SALL2: variants seen among roughly 807,000 people sequenced by gnomAD.
SALL2 encodes the protein sal-like protein 2.
A neutral mutation model predicts 58.5 loss-of-function variants in SALL2; 32 were observed. That is an observed-to-expected ratio of 0.55 (90% CI 0.41 to 0.74). The LOEUF (loss-of-function observed/expected upper bound fraction) is 0.74. Ranked by LOEUF, SALL2 falls within the 30% of genes least tolerant of loss-of-function variation. The probability of loss-of-function intolerance (pLI) is 0.00; values close to 1 mark genes in which losing one functional copy is unlikely to be tolerated. For missense variants in SALL2, 1,201 were observed against 1,268.9 expected (o/e 0.95, Z 0.81); for synonymous variants, 516 against 513.6 (o/e 1.00, Z -0.06).
At chr14:21,531,639 C>G (rs1892463030) in intron 1 of SALL2, among the ~76,000 whole-genome samples, 1 of 151,588 alleles carries the variant, frequency 6.6e-6, no homozygotes, top group South Asian at 2.1e-4. Context: ...AACTCCCAGC[C>G]TCAGGTGATC....
At chr14:21,533,136 AAAGGTCACATGTGCCC>A (rs1168635184) in intron 1 of SALL2, among the ~76,000 whole-genome samples, 2 of 152,182 alleles carry the variant, frequency 1.3e-5, no homozygotes, top group African/African-American at 2.4e-5. Flanking sequence ...CTGGGGTAAG[AAAGGTCACATGTGCCC>A]AAGGTCACAT....
chr14:21,522,950 C>T lies in SALL2; in HGVS notation c.2772G>A (p.Leu924=). Residue 924 remains leucine, a synonymous_variant, in exon 2 of 2, where the codon CTG becomes CTA. Transcript: ENST00000537235. ...TGGGGTGGGTCTTCTGATGCTCCTC[C>T]AGAGCTGCCTGGGAGGGAAAGGCCT... ...CGQAFPSQAA[L]EEHQKTHPKE... 1 of 1,614,088 alleles carries T rather than the reference C, an allele frequency of 6.2e-7. No individual in the cohort carries two copies. Among genetic ancestry groups the T allele is most frequent in the Non-Finnish European group, 8.5e-7 (1 of 1,180,008 alleles).
chr14:21,534,056 T>C (rs771780664), intron 1 of SALL2, among the ~76,000 whole-genome samples: 2 of 152,186 alleles, frequency 1.3e-5, no homozygotes, highest in Admixed American at 6.5e-5. Context: ...ACCCTGTCTA[T>C]AAAAAATTAG....
chr14:21,521,694 A>G lies in SALL2; in HGVS notation c.*1010T>C. 2 of 296,190 alleles carry G rather than the reference A, an allele frequency of 6.8e-6. No homozygotes were observed. Among genetic ancestry groups the G allele is most frequent in the Non-Finnish European group, 1.3e-5 (2 of 155,722 alleles). The allele number at this position is 296,190 out of a possible 1,614,324, so 18.3% of individuals were successfully genotyped here. ...CTCTCTCATCATTAGTTCATCAACC[A>G]TGCTGACCAAAAATGCTCCTTAAAG... On this transcript the variant is annotated 3_prime_UTR_variant, in exon 2 of 2. Coordinates refer to ENST00000537235, the MANE Select transcript of SALL2 (RefSeq NM_001364564.1).
In SALL2 at chr14:21,521,863, G is replaced by T; in HGVS notation, c.*841C>A. 2.1e-6 allele frequency: 2 copies of T among 943,964 alleles called. No individual in the cohort carries two copies. Among genetic ancestry groups the T allele is most frequent in the Non-Finnish European group, 3.1e-6 (2 of 648,336 alleles). The allele number at this position is 943,964 out of a possible 1,614,324, so 58.5% of individuals were successfully genotyped here. On this transcript the variant is annotated 3_prime_UTR_variant, in exon 2 of 2. Transcript: ENST00000537235. ...CCAGCCAAAACCTTTACCTTAATGTGACCATCAGGGGATTTACTGGGAAAA... is the reference window on the plus strand; with the variant it reads ...CCAGCCAAAACCTTTACCTTAATGTTACCATCAGGGGATTTACTGGGAAAA...
intron 1 of SALL2, among the ~76,000 whole-genome samples, chr14:21,534,397 G>GCAA (rs1892539809): frequency 1.3e-5 from 2 of 152,046 alleles, no homozygotes; most frequent in Admixed American, 1.3e-4. Context: ...TAGCTCAAAG[G>GCAA]CAAATTTTCA....
rs777506458 is a variant in SALL2, at chr14:21,524,485, T to A, written c.1237A>T (p.Asn413Tyr). The A allele has an allele frequency of 6.2e-7, 1 of 1,614,236 alleles. No individual in the cohort carries two copies. Among genetic ancestry groups the A allele is most frequent in the Admixed American group, 1.7e-5 (1 of 60,026 alleles). ...TGCCGGTGGAAATGCACTTTGAGGT[T>A]GCCACGGGTGGTAAAACGGTTTCCA... is the stretch of plus-strand genomic sequence containing the variant. ...VCGNRFTTRG[N>Y]LKVHFHRHRE... The change falls in exon 2 of 2, where the codon AAC becomes TAC. Residue 413 changes from asparagine to tyrosine, a missense_variant. Around this residue, in one of 3 missense-constraint regions of SALL2, gnomAD observed 59 missense variants for 116.2 expected, o/e 0.51. Transcript: ENST00000537235.
chr14:21,532,025 C>T (rs557893273), intron 1 of SALL2, among the ~76,000 whole-genome samples: 3 of 152,104 alleles, frequency 2.0e-5, no homozygotes, highest in East Asian at 1.9e-4. Flanking sequence ...CTGCTGTGCC[C>T]GGCTGATTTC....
At position 21,525,013 on chromosome 14, in the gene SALL2, G is replaced by A. The variant is rs903406029; in HGVS notation, c.709C>T (p.Leu237=). Residue 237 remains leucine (L), a synonymous_variant, in exon 2 of 2, where the codon CTA becomes TTA. Coordinates refer to ENST00000537235, the MANE Select transcript of SALL2 (RefSeq NM_001364564.1). This position sits in a 1 kb window ranked among gnomAD's most constrained non-coding sequence, Gnocchi z 4.4. ...GGCTTGATGGGGCTGAAGAGGGGTA[G>A]TAGGGGCTTGGTGGAAGAGGCAGTC... ...TGTASSTKPL[L]PLFSPIKPVQ... The A allele has an allele frequency of 1.3e-5, 21 of 1,613,778 alleles. No homozygotes were observed. Among genetic ancestry groups the A allele is most frequent in the Non-Finnish European group, 1.8e-5 (21 of 1,179,896 alleles).
At chr14:21,526,764 G>T (rs1892328728), upstream of SALL2, among the ~76,000 whole-genome samples, 1 of 152,056 alleles carries the variant, frequency 6.6e-6, no homozygotes, top group Non-Finnish European at 1.5e-5. Context: ...AAGAAGAGGG[G>T]GAGATCAGAA....
At chr14:21,531,539 TG>T (rs1892460366) in intron 1 of SALL2, among the ~76,000 whole-genome samples, 1 of 152,060 alleles carries the variant, frequency 6.6e-6, no homozygotes, top group African/African-American at 2.4e-5. Flanking sequence ...CCCTAGTAGC[TG>T]GGATTACAGG....
At position 21,521,621 on chromosome 14, in the gene SALL2, T is replaced by C. The variant is rs1303005781; in HGVS notation, c.*1083A>G. ...TTTCCCTTACATCATGTCCCTTTCT[T>C]AGTCACATAGGTACCAGCAAGCCCT... On this transcript the variant is annotated 3_prime_UTR_variant, in exon 2 of 2. Transcript: ENST00000537235. 5.3e-6 allele frequency: 1 copy of C among 188,970 alleles called. No homozygotes were observed. 11.7% of individuals were successfully genotyped at this position (188,970 alleles called of 1,614,324 possible).
intron 1 of SALL2, among the ~76,000 whole-genome samples, chr14:21,535,203 G>A (rs190631383): frequency 3.3e-5 from 5 of 151,974 alleles, no homozygotes; most frequent in Admixed American, 2.0e-4. Flanking sequence ...AAATTAGCCC[G>A]GCGTGGTGGC....
rs1369641291 is a variant in SALL2 at position 21,521,272 on chromosome 14, A to G, written c.*1432T>C. Reference sequence around the variant, plus strand: ...CCAAATGATCCTATGTTAAGAGTAAATACTACAACTCATTACAAGACGGAG... The same window carrying G: ...CCAAATGATCCTATGTTAAGAGTAAGTACTACAACTCATTACAAGACGGAG... On this transcript the variant is annotated 3_prime_UTR_variant, in exon 2 of 2. Transcript: ENST00000537235. The G allele has an allele frequency of 6.6e-6, 1 of 152,198 alleles. No homozygotes were observed. The highest frequency in any genetic ancestry group is 1.5e-5 in the Non-Finnish European group (1 of 68,054). The allele number at this position is 152,198 out of a possible 1,614,324, so 9.4% of individuals were successfully genotyped here.
At chr14:21,528,912 A>G (rs368195441), upstream of SALL2, among the ~76,000 whole-genome samples, 8 of 152,206 alleles carry the variant, frequency 5.3e-5, no homozygotes, top group South Asian at 1.7e-3. Flanking sequence ...TTTGATATCC[A>G]GTTGCTGTTT....
At position 21,522,575 on chromosome 14, in the gene SALL2, C is replaced by T. The variant is rs1414447129; in HGVS notation, c.*129G>A. 7.1e-7 allele frequency: 1 copy of T among 1,416,884 alleles called. No homozygotes were observed. The highest frequency in any genetic ancestry group is 9.2e-7 in the Non-Finnish European group (1 of 1,087,918). The allele number at this position is 1,416,884 out of a possible 1,614,324, so 87.8% of individuals were successfully genotyped here. ...TCCAAGCTCAGGGACTACAGAAAAG[C>T]CACTAGGGACATAACATGTTAAGAA... On this transcript the variant is annotated 3_prime_UTR_variant, in exon 2 of 2. Coordinates refer to ENST00000537235, the MANE Select transcript of SALL2 (RefSeq NM_001364564.1).
Position 21,525,783 on chromosome 14 carries a change from C to T in SALL2, c.68-129G>A. 1 of 1,082,534 alleles carries T rather than the reference C, an allele frequency of 9.2e-7. No homozygotes were observed. The allele number at this position is 1,082,534 out of a possible 1,614,324, so 67.1% of individuals were successfully genotyped here. Reference sequence around the variant, plus strand: ...AGATGAGCTCACCATCAGGGCCATGCAGAAGTCTAGAGCTCAGGCCTGATC... The same window carrying T: ...AGATGAGCTCACCATCAGGGCCATGTAGAAGTCTAGAGCTCAGGCCTGATC... On this transcript the variant is annotated intron_variant, in intron 1 of 1. Transcript: ENST00000537235. This position sits in a 1 kb window ranked among gnomAD's most constrained non-coding sequence, Gnocchi z 4.4.
chr14:21,523,398 A>ACATCTTCCT lies in SALL2; in HGVS notation c.2315_2323dup (p.Glu772_Asp774dup). ...CCCTGCCAGGGAATCTTCATCAGTCACATCTTCCTCTTCTTCCTCATCCTC... is the reference window on the plus strand; with the variant it reads ...CCCTGCCAGGGAATCTTCATCAGTCACATCTTCCTCATCTTCCTCTTCTTCCTCATCCTC... On this transcript the variant is annotated inframe_insertion, in exon 2 of 2. Coordinates refer to ENST00000537235, the MANE Select transcript of SALL2 (RefSeq NM_001364564.1). The surrounding 1 kb of genome is among the most constrained non-coding windows in gnomAD (Gnocchi z 4.4). 1 of 1,613,690 alleles carries ACATCTTCCT rather than the reference A, an allele frequency of 6.2e-7. No individual in the cohort carries two copies. Among genetic ancestry groups the ACATCTTCCT allele is most frequent in the East Asian group, 2.2e-5 (1 of 44,874 alleles).
exon 1 of SALL2, chr14:21,536,995 C>T (rs1892615100): frequency 1.5e-6 from 2 of 1,337,624 alleles, no homozygotes; most frequent in Admixed American, 1.7e-5. Context: ...GTCTCGTCTC[C>T]CCCTTGGGTC....
Sources: gnomAD v4.1 joint callset for allele counts (sites outside exome capture counted in the v4.1 genomes callset) on GRCh38, gnomAD v4.1.1 for gene constraint, gnomAD v4.1.1 regional missense constraint, Gnocchi (gnomAD v3.1) non-coding constraint, MANE v1.5 for transcripts, NCBI Gene and HGNC (gene_info 2026-07-23, HGNC 2026-07-21) for gene names.